Variants in GABRA3 observed in about 807,000 individuals in gnomAD.
GABRA3 encodes gamma-aminobutyric acid type A receptor subunit alpha3, also known as gamma-aminobutyric acid receptor subunit alpha-3.
A neutral mutation model predicts 30.1 loss-of-function variants in GABRA3; 10 were observed. The ratio of observed to expected loss-of-function variants is 0.33; its 90% confidence interval spans 0.20 to 0.56. The LOEUF (loss-of-function observed/expected upper bound fraction) is 0.56, where lower values mean the gene tolerates loss of function less well. GABRA3 is among the 20% of genes least tolerant of loss of function. GABRA3 has a pLI of 0.89. For synonymous variants in GABRA3, 151 were observed against 146.8 expected (o/e 1.03, Z -0.21); for missense variants, 233 against 392.0 (o/e 0.59, Z 3.42).
At chrX:152,314,991 A>C (rs1482306722) in intron 3 of GABRA3, among the ~76,000 whole-genome samples, 1 of 110,975 alleles carries the variant, frequency 9.0e-6, no homozygotes, top group Non-Finnish European at 1.9e-5. Flanking sequence ...AAAATGGTGG[A>C]TAGGAGGCAG....
chrX:152,253,545 T>C (rs1938590170), intron 5 of GABRA3, among the ~76,000 whole-genome samples: 1 of 112,131 alleles, frequency 8.9e-6, no homozygotes, highest in Non-Finnish European at 1.9e-5. Flanking sequence ...CTATATTTAC[T>C]GCCGATTTCC....
chrX:152,221,008 G>A (rs942969366), intron 6 of GABRA3, among the ~76,000 whole-genome samples: 14 of 109,597 alleles, frequency 1.3e-4, no homozygotes, highest in African/African-American at 4.7e-4. Flanking sequence ...TGAGTCCTTT[G>A]TTAGGCATAT....
chrX:152,220,767 A>G (rs1937818092), intron 6 of GABRA3, among the ~76,000 whole-genome samples: 2 of 110,580 alleles, frequency 1.8e-5, no homozygotes, highest in Non-Finnish European at 3.8e-5. Context: ...GTGTACTGGT[A>G]GCCTTTGGAT....
intron 5 of GABRA3, among the ~76,000 whole-genome samples, chrX:152,225,560 T>G (rs1937935116): frequency 1.8e-5 from 2 of 110,896 alleles, no homozygotes; most frequent in Admixed American, 1.9e-4. Context: ...GAGGCAACAT[T>G]TGGAAAAGAT....
chrX:152,424,057 C>A (rs1288865845), intron 1 of GABRA3, among the ~76,000 whole-genome samples: 2 of 110,904 alleles, frequency 1.8e-5, no homozygotes, highest in Admixed American at 9.6e-5. Context: ...GTAATAAGAA[C>A]AATTTTTGTA....
chrX:152,173,770 AATTT>A lies in GABRA3; in HGVS notation c.1144-5211_1144-5208del, dbSNP rs762067911. ...CAGGCATGAGCCACCGCGCCTGGCT[AATTT>A]ATTTATTTATTTATTTATTTATATT... On this transcript the variant is annotated intron_variant, in intron 9 of 9. Transcript: ENST00000370314. Among the ~76,000 whole-genome samples the A allele has an allele frequency of 6.2e-3, 682 of 110,187 alleles. 3 individuals are homozygous for A. The highest frequency in any genetic ancestry group is 9.1e-3 in the Non-Finnish European group (481 of 52,682).
chrX:152,344,790 A>T (rs1274638561), intron 3 of GABRA3, among the ~76,000 whole-genome samples: 1 of 111,589 alleles, frequency 9.0e-6, no homozygotes, highest in East Asian at 2.8e-4. Flanking sequence ...AGAAATGCTG[A>T]GTGTAGGCTA....
intron 2 of GABRA3, among the ~76,000 whole-genome samples, chrX:152,363,903 T>A (rs1928579284): frequency 8.9e-6 from 1 of 111,840 alleles, no homozygotes; most frequent in African/African-American, 3.2e-5. Flanking sequence ...ATTGGCCATC[T>A]TGGCTGCAGA....
intron 4 of GABRA3, among the ~76,000 whole-genome samples, chrX:152,279,376 C>T (rs1238501169): frequency 9.0e-6 from 1 of 111,405 alleles, no homozygotes; most frequent in African/African-American, 3.3e-5. Context: ...GAATCCTTTC[C>T]CCATTTCTTG....
chrX:152,340,643 T>C (rs1201070891), intron 3 of GABRA3, among the ~76,000 whole-genome samples: 2 of 112,333 alleles, frequency 1.8e-5, no homozygotes, highest in African/African-American at 3.2e-5. Flanking sequence ...TCTCAGTACT[T>C]TAAAGCTGTT....
intron 3 of GABRA3, among the ~76,000 whole-genome samples, chrX:152,323,263 T>C (rs1939999742): frequency 8.9e-6 from 1 of 111,738 alleles, no homozygotes; most frequent in Middle Eastern, 4.2e-3. Flanking sequence ...ATTCTGAGCA[T>C]GTTTTTTTGT....
At chrX:152,426,241 C>T (rs1412119981) in intron 1 of GABRA3, among the ~76,000 whole-genome samples, 1 of 111,488 alleles carries the variant, frequency 9.0e-6, no homozygotes, top group Non-Finnish European at 1.9e-5. Flanking sequence ...TGACCTTGGA[C>T]TTCCTCATAT....
intron 4 of GABRA3, among the ~76,000 whole-genome samples, chrX:152,280,656 T>C (rs1603232571): frequency 9.0e-6 from 1 of 111,400 alleles, no homozygotes. Flanking sequence ...TTTCCCAGGA[T>C]TCCATTTTGT....
At chrX:152,207,118 G>A (rs746062598) in intron 7 of GABRA3, among the ~76,000 whole-genome samples, 38 of 111,514 alleles carry the variant, frequency 3.4e-4, no homozygotes, top group Non-Finnish European at 5.8e-4. Context: ...CTGATTCTGA[G>A]GTGGAGGGAA....
chrX:152,382,221 A>G (rs1237334878), intron 1 of GABRA3, among the ~76,000 whole-genome samples: 1 of 112,601 alleles, frequency 8.9e-6, no homozygotes, highest in African/African-American at 3.2e-5. Flanking sequence ...AATCAAAACC[A>G]CAATGAGATA....
intron 9 of GABRA3, among the ~76,000 whole-genome samples, chrX:152,179,827 G>C (rs1168557662): frequency 9.0e-6 from 1 of 111,022 alleles, no homozygotes; most frequent in Non-Finnish European, 1.9e-5. Context: ...TTTCTTTTCT[G>C]TGCCTAGCTT....
chrX:152,265,540 A>G (rs970607189), intron 4 of GABRA3, among the ~76,000 whole-genome samples: 1 of 111,678 alleles, frequency 9.0e-6, no homozygotes, highest in Non-Finnish European at 1.9e-5. Flanking sequence ...CCTCTACCAA[A>G]AAGGAAGAAA....
intron 6 of GABRA3, among the ~76,000 whole-genome samples, chrX:152,222,339 T>G (rs1407765607): frequency 9.3e-6 from 1 of 106,970 alleles, no homozygotes; most frequent in East Asian, 3.0e-4. Context: ...GCTTGTCAAA[T>G]CTATCCATTG....
chrX:152,243,753 T>C (rs1938419796), intron 5 of GABRA3, among the ~76,000 whole-genome samples: 1 of 111,910 alleles, frequency 8.9e-6, no homozygotes, highest in African/African-American at 3.2e-5. Flanking sequence ...GGTATATGTA[T>C]CAGAATCTTG....
Sources: gnomAD v4.1 joint callset for allele counts (sites outside exome capture counted in the v4.1 genomes callset) on GRCh38, gnomAD v4.1.1 for gene constraint, MANE v1.5 for transcripts, NCBI Gene and HGNC (gene_info 2026-07-23, HGNC 2026-07-21) for gene names.